ADGRL3: variants seen among roughly 807,000 people sequenced by gnomAD.
The protein encoded by ADGRL3 is adhesion G protein-coupled receptor L3, also known as calcium-independent alpha-latrotoxin receptor 3.
Under a neutral mutation model 153.5 loss-of-function variants are expected in ADGRL3, and 62 were observed. The observed-to-expected ratio is 0.40, with a 90% confidence interval of 0.33 to 0.50. ADGRL3 has a LOEUF of 0.50. Among genes scored for constraint, ADGRL3 ranks in the 20% least tolerant of loss-of-function variants. ADGRL3 has a pLI of 0.47. For synonymous variants in ADGRL3, 710 were observed against 672.5 expected, an observed-to-expected ratio of 1.06 and a Z score of -0.86; for missense variants, 1,641 against 1,859.4, an observed-to-expected ratio of 0.88 and a Z score of 2.16.
chr4:61,552,960 G>C (rs1476466288), intron 4 of ADGRL3, among the ~76,000 whole-genome samples: 1 of 152,054 alleles, frequency 6.6e-6, no homozygotes, highest in Non-Finnish European at 1.5e-5. Flanking sequence ...TCAGACCATG[G>C]TGAGTTCCGG....
chr4:61,291,605 CACACACATATAT>C, intron 1 of ADGRL3, among the ~76,000 whole-genome samples: 1 of 8,054 alleles, frequency 1.2e-4, no homozygotes, highest in African/African-American at 3.5e-4. Flanking sequence ...TATATATATA[CACACACATATAT>C]ATATATATAA....
chr4:61,507,417 G>A (rs1476239487), intron 3 of ADGRL3, among the ~76,000 whole-genome samples: 7 of 152,102 alleles, frequency 4.6e-5, no homozygotes, highest in African/African-American at 1.2e-4. Context: ...CCACCATGTC[G>A]ATTTTTAAAA....
chr4:61,403,328 G>A (rs2096953895), intron 2 of ADGRL3, among the ~76,000 whole-genome samples: 1 of 151,980 alleles, frequency 6.6e-6, no homozygotes, highest in African/African-American at 2.4e-5. Context: ...ATTAGAAGGT[G>A]GGAACTGAAC....
chr4:61,683,434 A>G (rs1200749490), intron 6 of ADGRL3, among the ~76,000 whole-genome samples: 1 of 152,078 alleles, frequency 6.6e-6, no homozygotes. Context: ...AGCAAAAGGA[A>G]AGCTCTCAGC....
At chr4:61,699,617 A>C (rs2095710969) in intron 6 of ADGRL3, among the ~76,000 whole-genome samples, 1 of 152,148 alleles carries the variant, frequency 6.6e-6, no homozygotes, top group African/African-American at 2.4e-5. Context: ...TTGGGGATAT[A>C]GAAGAGTTAA....
chr4:61,703,314 A>G (rs1281593480), intron 6 of ADGRL3, among the ~76,000 whole-genome samples: 1 of 152,006 alleles, frequency 6.6e-6, no homozygotes, highest in African/African-American at 2.4e-5. Flanking sequence ...TTTTTTCAGT[A>G]CTCTAGTCAC....
chr4:62,023,901 T>A (rs1263295931), intron 21 of ADGRL3, among the ~76,000 whole-genome samples: 1 of 151,946 alleles, frequency 6.6e-6, no homozygotes, highest in African/African-American at 2.4e-5. Context: ...TGCATCTTAT[T>A]TGCATGCAAC....
chr4:61,379,997 A>G (rs1368845692), intron 1 of ADGRL3, among the ~76,000 whole-genome samples: 2 of 152,030 alleles, frequency 1.3e-5, no homozygotes, highest in East Asian at 3.9e-4. Flanking sequence ...TAATATCCAT[A>G]CCAACCTCAG....
chr4:61,367,226 C>T (rs191894307), intron 1 of ADGRL3, among the ~76,000 whole-genome samples: 350 of 151,030 alleles, frequency 2.3e-3, no homozygotes, highest in African/African-American at 8.1e-3. Context: ...TTAAAACTGT[C>T]GCTTTTTTTT....
intron 5 of ADGRL3, among the ~76,000 whole-genome samples, chr4:61,672,941 A>T (rs1193356021): frequency 6.6e-6 from 1 of 152,022 alleles, no homozygotes; most frequent in East Asian, 1.9e-4. Context: ...CCATCAGCAG[A>T]TGAATAGATA....
intron 8 of ADGRL3, among the ~76,000 whole-genome samples, chr4:61,789,158 C>G (rs150511243): frequency 2.0e-3 from 305 of 152,090 alleles, no homozygotes; most frequent in African/African-American, 7.2e-3. Flanking sequence ...AAAAAGATAA[C>G]TATACCTCGA....
chr4:61,826,593 A>G (rs1409118778), intron 9 of ADGRL3, among the ~76,000 whole-genome samples: 1 of 152,202 alleles, frequency 6.6e-6, no homozygotes, highest in Non-Finnish European at 1.5e-5. Flanking sequence ...GTAAGACGTG[A>G]AGGAAGTTAT....
intron 8 of ADGRL3, among the ~76,000 whole-genome samples, chr4:61,765,461 G>A (rs965935658): frequency 9.9e-5 from 15 of 152,086 alleles, no homozygotes; most frequent in African/African-American, 3.6e-4. Flanking sequence ...GGTGAGGTGT[G>A]TTTTTAAAAG....
intron 2 of ADGRL3, among the ~76,000 whole-genome samples, chr4:61,411,760 A>G (rs1388562964): frequency 6.6e-6 from 1 of 152,104 alleles, no homozygotes; most frequent in African/African-American, 2.4e-5. Context: ...GAGCTGGTGG[A>G]AGGACTGCTT....
At chr4:61,890,965 TAG>T (rs1272592045) in intron 9 of ADGRL3, among the ~76,000 whole-genome samples, 1 of 151,958 alleles carries the variant, frequency 6.6e-6, no homozygotes, top group Non-Finnish European at 1.5e-5. Context: ...TTATATATAT[TAG>T]AGACATTTTT....
intron 5 of ADGRL3, among the ~76,000 whole-genome samples, chr4:61,666,501 C>G (rs992637114): frequency 7.0e-6 from 1 of 142,834 alleles, no homozygotes; most frequent in African/African-American, 2.6e-5. Context: ...GAATGCCTTA[C>G]AGCACTCCAT....
At chr4:61,974,778 C>T (rs562112077) in intron 17 of ADGRL3, among the ~76,000 whole-genome samples, 8 of 152,304 alleles carry the variant, frequency 5.3e-5, no homozygotes, top group East Asian at 1.9e-4. Context: ...TTTTTATACT[C>T]GTTTGACACG....
chr4:61,820,334 C>T (rs1057486549), intron 9 of ADGRL3, among the ~76,000 whole-genome samples: 4 of 152,086 alleles, frequency 2.6e-5, no homozygotes, highest in Non-Finnish European at 4.4e-5. Flanking sequence ...GTGCATTCTT[C>T]AATTTACAGA....
chr4:61,980,668 T>C (rs1191180134), intron 18 of ADGRL3, among the ~76,000 whole-genome samples: 1 of 152,122 alleles, frequency 6.6e-6, no homozygotes, highest in Non-Finnish European at 1.5e-5. Flanking sequence ...CTCAAAATCC[T>C]GGATTCAATC....
Sources: allele counts gnomAD v4.1 joint callset (sites outside exome capture counted in the v4.1 genomes callset), GRCh38; gene constraint gnomAD v4.1.1; transcripts MANE v1.5; gene names NCBI Gene and HGNC (gene_info 2026-07-23, HGNC 2026-07-21).